Variants in RNF122 observed in about 807,000 individuals in gnomAD.
The protein encoded by RNF122 is ring finger protein 122.
In RNF122, 17 loss-of-function variants were observed where a neutral mutation model predicts 24.2. The ratio of observed to expected loss-of-function variants is 0.70; its 90% CI spans 0.48 to 1.06. The LOEUF (loss-of-function observed/expected upper bound fraction) is 1.06, where lower values mean the gene tolerates loss of function less well. Among genes scored for constraint, RNF122 ranks in the 50% least tolerant of loss-of-function variants. The probability of loss-of-function intolerance (pLI) is 0.00; values close to 1 mark genes in which losing one functional copy is unlikely to be tolerated. For missense variants in RNF122, 168 were observed against 198.1 expected (o/e 0.85, Z 0.91); for synonymous variants, 65 against 71.8 (o/e 0.91, Z 0.48).
chr8:33,549,335 G>C, intron 5 of RNF122, 75 bp downstream of exon 5: 1 of 1,203,702 alleles, frequency 8.3e-7, no homozygotes, highest in South Asian at 1.2e-5. Flanking sequence ...GAAAGTGGCA[G>C]AGACTGGAAG....
chr8:33,564,552 G>A (rs1313581990), intron 1 of RNF122, among the ~76,000 whole-genome samples: 1 of 147,092 alleles, frequency 6.8e-6, no homozygotes, highest in African/African-American at 2.6e-5. Flanking sequence ...CAGCATGGTT[G>A]TCGGAGTGAG....
intron 1 of RNF122, among the ~76,000 whole-genome samples, chr8:33,560,531 C>T (rs1302695655): frequency 1.3e-5 from 2 of 152,042 alleles, no homozygotes; most frequent in East Asian, 1.9e-4. Context: ...TGAGCCACTG[C>T]ACCCGGCAGG....
intron 2 of RNF122, among the ~76,000 whole-genome samples, chr8:33,554,225 T>C (rs954752034): frequency 3.3e-5 from 5 of 152,168 alleles, no homozygotes; most frequent in African/African-American, 1.2e-4. Flanking sequence ...TGTTGCTCTG[T>C]TATGAGGCAC....
chr8:33,551,426 A>G (rs762689869), intron 2 of RNF122, 37 bp from the exon 3 acceptor site: 1 of 1,610,608 alleles, frequency 6.2e-7, no homozygotes, highest in Admixed American at 1.7e-5. Flanking sequence ...AAAGCAGGTT[A>G]AATGGAACAA....
In RNF122 at chr8:33,548,140, G is replaced by C. The variant is rs1810314431; in HGVS notation, c.*613C>G. The C allele has an allele frequency of 6.6e-6, 1 of 152,600 alleles. No individual in the cohort carries two copies. The highest frequency in any genetic ancestry group is 1.5e-5 in the Non-Finnish European group (1 of 68,066). 9.5% of individuals were successfully genotyped at this position (152,600 alleles called of 1,614,324 possible). A position where few individuals can be genotyped will look rare whatever the true frequency, so the allele number is the denominator to read the frequency against. On this transcript the variant is annotated 3_prime_UTR_variant, in exon 6 of 6. Coordinates refer to ENST00000256257, the MANE Select transcript of RNF122 (RefSeq NM_024787.3). ...GATAGCACCGTGGGTCCTGGCAGGGGAAGGGCCCTCTCTTACTCTGGAGTC... is the reference window on the plus strand; with the variant it reads ...GATAGCACCGTGGGTCCTGGCAGGGCAAGGGCCCTCTCTTACTCTGGAGTC...
intron 1 of RNF122, among the ~76,000 whole-genome samples, chr8:33,566,119 C>A (rs1810618884): frequency 6.6e-6 from 1 of 152,166 alleles, no homozygotes; most frequent in African/African-American, 2.4e-5. Context: ...TCCCAAAGTG[C>A]TGGGATTACA....
rs556391441 is a variant in RNF122, at chr8:33,553,976, C to T, written c.183-2587G>A. Among the ~76,000 whole-genome samples, 73 of 152,372 alleles carry T rather than the reference C, an allele frequency of 4.8e-4. 1 individual carries two copies. The highest frequency in any genetic ancestry group is 3.7e-3 in the South Asian group (18 of 4,832). On this transcript the variant is annotated intron_variant, in intron 2 of 5. Transcript: ENST00000256257. ...CCTTTCTGCTTAAGGCAGGGCTGGG[C>T]TAAAGGCCTAACCAAGGCTCCCACT...
chr8:33,556,220 C>T (rs1810450716), intron 2 of RNF122, among the ~76,000 whole-genome samples: 1 of 147,616 alleles, frequency 6.8e-6, no homozygotes, highest in Non-Finnish European at 1.5e-5. Flanking sequence ...CCTAAGGTCA[C>T]ACCTATTATT....
intron 2 of RNF122, among the ~76,000 whole-genome samples, chr8:33,553,298 T>C (rs1226447050): frequency 1.3e-5 from 2 of 151,558 alleles, no homozygotes; most frequent in African/African-American, 4.9e-5. Context: ...TCTTAAATGG[T>C]TGAAAACAGA....
intron 4 of RNF122, among the ~76,000 whole-genome samples, chr8:33,550,570 T>TGGGTGGGAGAG (rs1456085028): frequency 1.4e-5 from 2 of 146,086 alleles, no homozygotes; most frequent in Non-Finnish European, 3.0e-5. Context: ...AACTGGTGTA[T>TGGGTGGGAGAG]GGGTGGGAGT....
intron 4 of RNF122, among the ~76,000 whole-genome samples, 195 bp from the exon 5 acceptor site, chr8:33,549,687 A>C (rs1433049529): frequency 1.3e-5 from 2 of 152,154 alleles, no homozygotes; most frequent in Non-Finnish European, 2.9e-5. Context: ...ATTAACCAAA[A>C]TTAGATGAAA....
Position 33,551,399 on chromosome 8 carries a change from A to G in RNF122, c.183-10T>C. ...CTGGTTCCGCAGTTTGCTGGGAGAAAGAGAAAAAAATTAGAGAAAGCAGGT... is the reference window on the plus strand; with the variant it reads ...CTGGTTCCGCAGTTTGCTGGGAGAAGGAGAAAAAAATTAGAGAAAGCAGGT... On this transcript the variant is annotated splice_polypyrimidine_tract_variant and intron_variant, in intron 2 of 5. Transcript: ENST00000256257. The G allele has an allele frequency of 6.2e-7, 1 of 1,614,116 alleles. No individual in the cohort carries two copies. The highest frequency in any genetic ancestry group is 1.1e-5 in the South Asian group (1 of 91,086).
chr8:33,565,651 A>G (rs891270855), intron 1 of RNF122, among the ~76,000 whole-genome samples: 8 of 152,174 alleles, frequency 5.3e-5, no homozygotes, highest in Non-Finnish European at 4.4e-5. Flanking sequence ...GCCTCAGGTG[A>G]AATGAACTAA....
chr8:33,551,312 A>C, intron 3 of RNF122, 32 bp downstream of exon 3: 2 of 1,611,784 alleles, frequency 1.2e-6, no homozygotes, highest in East Asian at 2.2e-5. Context: ...CAGGCAGAGA[A>C]GGAAGCTTCT....
chr8:33,559,710 T>C (rs147214289), intron 1 of RNF122, among the ~76,000 whole-genome samples: 2 of 152,218 alleles, frequency 1.3e-5, no homozygotes, highest in East Asian at 3.9e-4. Context: ...CTTCCCTTAC[T>C]GTGGTCACCT....
Position 33,562,315 on chromosome 8 carries a change from C to T in RNF122, c.26-3544G>A, listed in dbSNP as rs182761178. 3.0e-3 allele frequency among the ~76,000 whole-genome samples: 460 copies of T among 151,186 alleles called. 2 individuals carry two copies. Among genetic ancestry groups the T allele is most frequent in the African/African-American group, 0.01 (426 of 41,190 alleles). On this transcript the variant is annotated intron_variant, in intron 1 of 5. Coordinates refer to ENST00000256257, the MANE Select transcript of RNF122 (RefSeq NM_024787.3). The stretch of plus-strand genomic sequence containing the variant: ...TTTTGGGAGGCTGAGGCAGGAGGAC[C>T]GCTTGAGGCCAGAAGTTCAAGACTA...
chr8:33,564,772 T>C (rs1810596181), intron 1 of RNF122, among the ~76,000 whole-genome samples: 1 of 152,028 alleles, frequency 6.6e-6, no homozygotes, highest in Non-Finnish European at 1.5e-5. Flanking sequence ...CTCGGGAAGC[T>C]GAGGCAGGAG....
intron 1 of RNF122, 121 bp downstream of exon 1, chr8:33,566,578 T>C: frequency 9.8e-7 from 1 of 1,017,410 alleles, no homozygotes; most frequent in South Asian, 1.4e-5. Flanking sequence ...TTCTCGACTG[T>C]CCCATTTCAG....
chr8:33,556,086 G>A (rs1031892754), intron 2 of RNF122, among the ~76,000 whole-genome samples: 2 of 151,262 alleles, frequency 1.3e-5, no homozygotes, highest in African/African-American at 2.4e-5. Flanking sequence ...AGACTGAGTT[G>A]GGAGGATGGC....
Sources: allele counts gnomAD v4.1 joint callset (sites outside exome capture counted in the v4.1 genomes callset), GRCh38; gene constraint gnomAD v4.1.1; transcripts MANE v1.5; gene names NCBI Gene and HGNC (gene_info 2026-07-23, HGNC 2026-07-21).